Variants in MASP1 observed in about 807,000 individuals in gnomAD.
The protein encoded by MASP1 is mannan-binding lectin serine protease 1.
In MASP1, 59 loss-of-function variants were observed where a neutral mutation model predicts 77.1. That is an observed-to-expected ratio of 0.77 (90% CI 0.62 to 0.95). MASP1 has a LOEUF of 0.95. MASP1 is among the 40% of genes least tolerant of loss of function. The pLI is 0.00. For synonymous variants in MASP1, 362 were observed against 354.5 expected, an observed-to-expected ratio of 1.02 and a Z score of -0.24; for missense variants, 885 against 912.9, an observed-to-expected ratio of 0.97 and a Z score of 0.39.
intron 2 of MASP1, among the ~76,000 whole-genome samples, chr3:187,267,365 C>T (rs1407057788): frequency 1.3e-5 from 2 of 152,162 alleles, no homozygotes; most frequent in Non-Finnish European, 2.9e-5. Context: ...TTTAGGCAGA[C>T]ATTTAGGGAG....
At position 187,243,452 on chromosome 3, in the gene MASP1, G is replaced by A. The variant is rs553888965; in HGVS notation, c.1228+32C>T. ...CCCTGAGGCCCCGAGAGTGTGAAAC[G>A]GGAGTGGGATGGCTTAGCATGGATG... On this transcript the variant is annotated intron_variant, in intron 9 of 10. Transcript: ENST00000296280. The A allele has an allele frequency of 1.2e-5, 19 of 1,613,440 alleles. No individual in the cohort carries two copies. The East Asian group carries it at 2.9e-4, about 25-fold the overall frequency.
chr3:187,267,167 G>T (rs1716107557), intron 2 of MASP1, among the ~76,000 whole-genome samples: 1 of 152,204 alleles, frequency 6.6e-6, no homozygotes, highest in Non-Finnish European at 1.5e-5. Context: ...TCTAGTGAGT[G>T]GTGGATCCAG....
rs373741740 is a variant in MASP1 at position 187,223,062 on chromosome 3, C to T, written c.1809+65G>A. ...CCTCAAAATCCCTAAGGGAACAATACGGAGCAGGAAGGCCCAGTGCAGAGC... is the reference window on the plus strand; with the variant it reads ...CCTCAAAATCCCTAAGGGAACAATATGGAGCAGGAAGGCCCAGTGCAGAGC... On this transcript the variant is annotated intron_variant, in intron 14 of 15. Coordinates refer to the MASP1 transcript ENST00000337774. 2.9e-4 allele frequency: 401 copies of T among 1,397,630 alleles called. 1 individual carries two copies. The East Asian group carries it at 3.1e-3, about 11-fold the overall frequency. 86.6% of individuals were successfully genotyped at this position (1,397,630 alleles called of 1,614,324 possible). A position where few individuals can be genotyped will look rare whatever the true frequency, so the allele number is the denominator to read the frequency against.
intron 6 of MASP1, among the ~76,000 whole-genome samples, chr3:187,252,250 T>C (rs553277137): frequency 1.5e-4 from 23 of 152,334 alleles, no homozygotes; most frequent in African/African-American, 5.3e-4. Context: ...AGGCACGGAC[T>C]CTGCTGATTA....
chr3:187,234,519 A>T lies in MASP1; in HGVS notation c.*1165T>A. On this transcript the variant is annotated 3_prime_UTR_variant, in exon 11 of 11. Coordinates refer to ENST00000296280, the MANE Select transcript of MASP1 (RefSeq NM_139125.4). ...TTATACAGCCAGTTGGGGGCAGAGC[A>T]GGGACTAGAACCCAGGACTCCTGGC... is the stretch of plus-strand genomic sequence containing the variant. 1 of 1,286,778 alleles carries T rather than the reference A, an allele frequency of 7.8e-7. No individual in the cohort carries two copies. The highest frequency in any genetic ancestry group is 1.0e-6 in the Non-Finnish European group (1 of 988,264). The allele number at this position is 1,286,778 out of a possible 1,614,324, so 79.7% of individuals were successfully genotyped here.
At chr3:187,222,354 G>A (rs546737703) in intron 14 of MASP1, among the ~76,000 whole-genome samples, 21 of 152,310 alleles carry the variant, frequency 1.4e-4, no homozygotes, top group African/African-American at 5.1e-4. Context: ...ACAGCTAGTA[G>A]CTAGTACAGT....
chr3:187,263,934 A>C (rs1715814107), intron 2 of MASP1, among the ~76,000 whole-genome samples: 1 of 152,180 alleles, frequency 6.6e-6, no homozygotes, highest in Non-Finnish European at 1.5e-5. Flanking sequence ...AATTCTTTTA[A>C]GTTGTATTTG....
chr3:187,222,425 G>A (rs1270147040), intron 14 of MASP1, among the ~76,000 whole-genome samples: 10 of 152,166 alleles, frequency 6.6e-5, no homozygotes, highest in Non-Finnish European at 1.0e-4. Flanking sequence ...GGGATGAATG[G>A]TTGTTGCAAA....
chr3:187,229,686 A>G (rs771559825), downstream of MASP1: 14 of 1,576,182 alleles, frequency 8.9e-6, no homozygotes, highest in South Asian at 1.2e-5. Flanking sequence ...ATGATTCTCA[A>G]TGAAGAAACC....
At chr3:187,237,358 C>T (rs2108515747) in intron 10 of MASP1, among the ~76,000 whole-genome samples, 1 of 152,358 alleles carries the variant, frequency 6.6e-6, no homozygotes, top group Non-Finnish European at 1.5e-5. Context: ...AGTCTTGTAT[C>T]CCACACGGAC....
At chr3:187,272,260 G>A (rs1228355673) in intron 2 of MASP1, among the ~76,000 whole-genome samples, 1 of 150,518 alleles carries the variant, frequency 6.6e-6, no homozygotes, top group African/African-American at 2.5e-5. Context: ...CTTCTCAAGA[G>A]TGAGTCAAAT....
chr3:187,244,961 A>T (rs1713959318), intron 8 of MASP1: 1 of 152,218 alleles, frequency 6.6e-6, no homozygotes, highest in South Asian at 2.1e-4. Flanking sequence ...TCCACTCAAA[A>T]TGCAAATAAT....
At chr3:187,248,699 T>C (rs773960206) in intron 8 of MASP1, among the ~76,000 whole-genome samples, 10 of 152,172 alleles carry the variant, frequency 6.6e-5, no homozygotes, top group Non-Finnish European at 1.5e-4. Flanking sequence ...GACCTTGTCT[T>C]TTCCGTCCGA....
chr3:187,246,427 T>C, intron 8 of MASP1: 1 of 985,426 alleles, frequency 1.0e-6, no homozygotes, highest in Non-Finnish European at 1.2e-6. Context: ...CTTTGGGTGG[T>C]GTCTCTAGCC....
At chr3:187,219,838 C>G (rs3203213) in exon 16 of MASP1, 1 of 569,288 alleles carries the variant, frequency 1.8e-6, no homozygotes, top group Admixed American at 2.9e-5. Context: ...CCCAGCACTG[C>G]AAACTAGTAA....
At position 187,236,221 on chromosome 3, in the gene MASP1, G is replaced by A; in HGVS notation, c.1650C>T (p.Tyr550=). ...GCTGCACCAGAGCTATATCGTGGTTGTAGTTTTGGATGTTGAAGTCTGGGT... is the reference window on the plus strand; with the variant it reads ...GCTGCACCAGAGCTATATCGTGGTTATAGTTTTGGATGTTGAAGTCTGGGT... ...VLHPDFNIQN[Y]NHDIALVQLQ... The change falls in exon 11 of 11, where the codon TAC becomes TAT. Residue 550 remains tyrosine, a synonymous_variant. Coordinates refer to ENST00000296280, the MANE Select transcript of MASP1 (RefSeq NM_139125.4). The A allele has an allele frequency of 6.2e-7, 1 of 1,614,244 alleles. No individual in the cohort carries two copies. The highest frequency in any genetic ancestry group is 8.5e-7 in the Non-Finnish European group (1 of 1,180,052).
chr3:187,289,428 T>C (rs756771659), intron 1 of MASP1, among the ~76,000 whole-genome samples: 5 of 152,124 alleles, frequency 3.3e-5, no homozygotes, highest in Non-Finnish European at 5.9e-5. Context: ...CAATACCATA[T>C]GGTGAATTAA....
In MASP1 at chr3:187,235,935, TCTC is replaced by T; in HGVS notation, c.1933_1935del (p.Glu645del). On this transcript the variant is annotated inframe_deletion, in exon 11 of 11. Transcript: ENST00000296280. ...TCGTAGTAGCCAGCACAGAACATGT[TCTC>T]CGTGACGCTGTAATTGCCCGAGCGG... The T allele has an allele frequency of 6.2e-7, 1 of 1,614,196 alleles. No individual in the cohort carries two copies. Among genetic ancestry groups the T allele is most frequent in the Non-Finnish European group, 8.5e-7 (1 of 1,180,036 alleles).
chr3:187,256,899 C>T (rs1403147744), intron 4 of MASP1, 39 bp from the exon 5 acceptor site: 54 of 1,571,984 alleles, frequency 3.4e-5, no homozygotes, highest in Non-Finnish European at 4.7e-5. Flanking sequence ...GCATCGCAAC[C>T]ACAGCCATAG....
Sources: allele counts gnomAD v4.1 joint callset (sites outside exome capture counted in the v4.1 genomes callset), GRCh38; gene constraint gnomAD v4.1.1; transcripts MANE v1.5; gene names NCBI Gene and HGNC (gene_info 2026-07-23, HGNC 2026-07-21).